SYNDIG1: variants seen among roughly 807,000 people sequenced by gnomAD.
The protein encoded by SYNDIG1 is synapse differentiation-inducing gene protein 1.
Under a neutral mutation model 19.4 loss-of-function variants are expected in SYNDIG1, and 9 were observed. The observed-to-expected ratio is 0.46, with a 90% confidence interval of 0.28 to 0.81. The LOEUF (loss-of-function observed/expected upper bound fraction) is 0.81. Ranked by LOEUF, SYNDIG1 falls within the 30% of genes least tolerant of loss-of-function variation. The probability of loss-of-function intolerance (pLI) is 0.12; values close to 1 mark genes in which losing one functional copy is unlikely to be tolerated. For missense variants in SYNDIG1, 311 were observed against 343.3 expected, an observed-to-expected ratio of 0.91 and a Z score of 0.74; for synonymous variants, 141 against 145.9, an observed-to-expected ratio of 0.97 and a Z score of 0.24.
At chr20:24,605,497 G>A (rs533788834) in intron 3 of SYNDIG1, among the ~76,000 whole-genome samples, 1 of 152,234 alleles carries the variant, frequency 6.6e-6, no homozygotes, top group South Asian at 2.1e-4. Flanking sequence ...GCTTCTGAGA[G>A]CTGTTTTGCA....
At chr20:24,618,565 GA>G (rs910504023) in intron 3 of SYNDIG1, among the ~76,000 whole-genome samples, 2 of 152,062 alleles carry the variant, frequency 1.3e-5, no homozygotes, top group Non-Finnish European at 2.9e-5. Context: ...ATACTCCGAG[GA>G]AAAAAAGACA....
intron 1 of SYNDIG1, among the ~76,000 whole-genome samples, chr20:24,472,470 C>A (rs1015910480): frequency 6.6e-6 from 1 of 152,128 alleles, no homozygotes; most frequent in East Asian, 1.9e-4. Context: ...AATTTTAAAT[C>A]GTATTTTCTA....
In SYNDIG1 at chr20:24,661,087, C is replaced by T. The variant is rs542437010; in HGVS notation, c.619-4259C>T. Among the ~76,000 whole-genome samples the T allele has an allele frequency of 1.2e-3, 179 of 152,372 alleles. 1 individual carries two copies. Among genetic ancestry groups the T allele is most frequent in the Non-Finnish European group, 1.8e-3 (123 of 68,042 alleles). On this transcript the variant is annotated intron_variant, in intron 3 of 3. Coordinates refer to ENST00000376862, the MANE Select transcript of SYNDIG1 (RefSeq NM_024893.3). ...AGCACACCGTCAGTCCTTCAAAATG[C>T]TTCTCAGCCTCCAAACCATTTGTGG...
chr20:24,525,504 G>A (rs1031473354), intron 1 of SYNDIG1, among the ~76,000 whole-genome samples: 30 of 151,868 alleles, frequency 2.0e-4, no homozygotes, highest in Non-Finnish European at 3.2e-4. Flanking sequence ...GGCTGGTCTC[G>A]AACTCCTGAC....
chr20:24,558,018 G>C (rs1278448873), intron 2 of SYNDIG1, among the ~76,000 whole-genome samples: 1 of 152,132 alleles, frequency 6.6e-6, no homozygotes, highest in African/African-American at 2.4e-5. Flanking sequence ...TAAAGTTAGG[G>C]GTTTATATAG....
chr20:24,476,700 CA>C (rs931127713), intron 1 of SYNDIG1, among the ~76,000 whole-genome samples: 40 of 150,650 alleles, frequency 2.7e-4, no homozygotes, highest in African/African-American at 7.5e-4. Flanking sequence ...ACAAAAAAAA[CA>C]AAAAAAAACT....
intron 2 of SYNDIG1, among the ~76,000 whole-genome samples, chr20:24,567,675 CA>C (rs369520935): frequency 1.8e-4 from 27 of 152,352 alleles, no homozygotes; most frequent in African/African-American, 6.3e-4. Flanking sequence ...GTCCATCCAG[CA>C]GGGCCTGTGC....
At chr20:24,555,019 T>C (rs2057784524) in intron 2 of SYNDIG1, among the ~76,000 whole-genome samples, 1 of 152,238 alleles carries the variant, frequency 6.6e-6, no homozygotes, top group Non-Finnish European at 1.5e-5. Context: ...AGCTTCTTCC[T>C]GGTTTAGTCT....
chr20:24,585,608 C>G (rs73345306), intron 3 of SYNDIG1, among the ~76,000 whole-genome samples: 1 of 152,186 alleles, frequency 6.6e-6, no homozygotes, highest in Non-Finnish European at 1.5e-5. Flanking sequence ...GTTTGTTGCC[C>G]CTTATGCAAC....
chr20:24,500,522 CTTTCTTTCTTCT>C lies in SYNDIG1; in HGVS notation c.-79+30772_-79+30783del, dbSNP rs751663114. ...TCTTTCTTTCTTTCTTTCTTTCTTT[CTTTCTTTCTTCT>C]TTCTTTCTTTCTTTCTTTTTTCTTT... is the stretch of plus-strand genomic sequence containing the variant. On this transcript the variant is annotated intron_variant, in intron 1 of 3. Transcript: ENST00000376862. 1.1e-3 allele frequency among the ~76,000 whole-genome samples: 143 copies of C among 131,256 alleles called. 1 individual carries two copies. Among genetic ancestry groups the C allele is most frequent in the Admixed American group, 7.0e-3 (87 of 12,506 alleles). The allele number at this position is 131,256 out of a possible 152,430, so 86.1% of individuals were successfully genotyped here.
chr20:24,568,319 T>C (rs926569808), intron 2 of SYNDIG1, among the ~76,000 whole-genome samples: 2 of 152,126 alleles, frequency 1.3e-5, no homozygotes, highest in East Asian at 1.9e-4. Flanking sequence ...CCTTTCCCTT[T>C]CCTTTCCCTG....
intron 2 of SYNDIG1, among the ~76,000 whole-genome samples, chr20:24,581,147 C>T (rs11908308): frequency 1.2e-3 from 182 of 152,280 alleles, no homozygotes; most frequent in African/African-American, 4.3e-3. Context: ...AAACCCAGCA[C>T]GCAGCTCAGA....
intron 2 of SYNDIG1, among the ~76,000 whole-genome samples, chr20:24,566,572 G>T (rs1445735281): frequency 6.6e-6 from 1 of 152,178 alleles, no homozygotes; most frequent in Non-Finnish European, 1.5e-5. Context: ...GGCTGGACTT[G>T]TTCTGATTAC....
At chr20:24,634,189 C>T (rs990008770) in intron 3 of SYNDIG1, among the ~76,000 whole-genome samples, 21 of 152,150 alleles carry the variant, frequency 1.4e-4, no homozygotes, top group African/African-American at 4.6e-4. Context: ...TTGATTTACA[C>T]GTAGAAGACC....
At chr20:24,486,660 T>TTTAA (rs2055968901) in intron 1 of SYNDIG1, among the ~76,000 whole-genome samples, 2 of 142,438 alleles carry the variant, frequency 1.4e-5, no homozygotes, top group South Asian at 2.1e-4. Flanking sequence ...ATTTATTTAA[T>TTTAA]TTTTTTTTTG....
intron 2 of SYNDIG1, among the ~76,000 whole-genome samples, chr20:24,584,146 C>T (rs1409653067): frequency 3.3e-5 from 5 of 152,210 alleles, no homozygotes; most frequent in Non-Finnish European, 7.3e-5. Flanking sequence ...TCACTCAGCC[C>T]CTGCCACCAG....
intron 3 of SYNDIG1, among the ~76,000 whole-genome samples, chr20:24,623,885 G>A (rs2059077578): frequency 6.6e-6 from 1 of 152,192 alleles, no homozygotes; most frequent in South Asian, 2.1e-4. Context: ...ACCTTACAAA[G>A]ATGGCAACCA....
At chr20:24,524,661 A>T (rs1026524786) in intron 1 of SYNDIG1, among the ~76,000 whole-genome samples, 2 of 151,848 alleles carry the variant, frequency 1.3e-5, no homozygotes, top group African/African-American at 2.4e-5. Flanking sequence ...AAAAAAAAAA[A>T]TTTATCTTGT....
intron 3 of SYNDIG1, among the ~76,000 whole-genome samples, chr20:24,652,982 C>T (rs1600830715): frequency 6.6e-6 from 1 of 152,294 alleles, no homozygotes; most frequent in East Asian, 1.9e-4. Context: ...TCTGGGATCA[C>T]CTCCAAGGAA....
Sources: gnomAD v4.1 joint callset for allele counts (sites outside exome capture counted in the v4.1 genomes callset) on GRCh38, gnomAD v4.1.1 for gene constraint, MANE v1.5 for transcripts, NCBI Gene and HGNC (gene_info 2026-07-23, HGNC 2026-07-21) for gene names.